Variants in RAPGEF6 observed in about 807,000 individuals in gnomAD.
RAPGEF6 encodes the protein PDZ domain containing guanine nucleotide exchange factor (GEF) 2.
Under a neutral mutation model 171.4 loss-of-function variants are expected in RAPGEF6, and 56 were observed. The ratio of observed to expected loss-of-function variants is 0.33; its 90% CI spans 0.26 to 0.41. The LOEUF is 0.41. Among genes scored for constraint, RAPGEF6 ranks in the 10% least tolerant of loss-of-function variants. The pLI, the probability that RAPGEF6 is intolerant of heterozygous loss-of-function variation, is 1.00. For synonymous variants in RAPGEF6, 692 were observed against 650.1 expected (o/e 1.06, Z -0.98); for missense variants, 1,674 against 1,921.4 (o/e 0.87, Z 2.41).
chr5:131,469,896 C>T, intron 17 of RAPGEF6: 1 of 1,078,260 alleles, frequency 9.3e-7, no homozygotes, highest in Non-Finnish European at 1.3e-6. Flanking sequence ...CCCCCACTTT[C>T]ATTTTGATCT....
chr5:131,442,941 C>T (rs1752476255), intron 22 of RAPGEF6, among the ~76,000 whole-genome samples: 1 of 148,556 alleles, frequency 6.7e-6, no homozygotes, highest in African/African-American at 2.5e-5. Flanking sequence ...GCACCTGCCA[C>T]AAAACCTGGC....
chr5:131,425,886 C>CTTTTTTTTTTTTT lies in RAPGEF6; in HGVS notation c.*1367_*1379dup, dbSNP rs376096619. On this transcript the variant is annotated 3_prime_UTR_variant, in exon 28 of 28. Coordinates refer to ENST00000509018, the MANE Select transcript of RAPGEF6 (RefSeq NM_016340.6). The stretch of plus-strand genomic sequence containing the variant: ...GGGTAGTGCACGTTAATGGCTTTGG[C>CTTTTTTTTTTTTT]TTTTTTTTTTTTTTTTTTTTTGGTA... 2.4e-5 allele frequency: 2 copies of CTTTTTTTTTTTTT among 84,432 alleles called. No homozygotes were observed. Among genetic ancestry groups the CTTTTTTTTTTTTT allele is most frequent in the Non-Finnish European group, 4.5e-5 (2 of 43,972 alleles). 5.2% of individuals were successfully genotyped at this position (84,432 alleles called of 1,614,324 possible).
At chr5:131,615,501 G>T (rs1765209401) in intron 1 of RAPGEF6, among the ~76,000 whole-genome samples, 1 of 152,184 alleles carries the variant, frequency 6.6e-6, no homozygotes, top group Admixed American at 6.5e-5. Context: ...AGTCAGACTG[G>T]AAGTCTTACA....
chr5:131,533,171 C>CACACACAA (rs1348588225), intron 6 of RAPGEF6: 194 of 69,632 alleles, frequency 2.8e-3, no homozygotes, highest in African/African-American at 0.012. Context: ...TGAAAACATA[C>CACACACAA]ACACACACAC....
intron 4 of RAPGEF6, among the ~76,000 whole-genome samples, chr5:131,574,294 C>T (rs1762474255): frequency 6.6e-6 from 1 of 152,180 alleles, no homozygotes; most frequent in Non-Finnish European, 1.5e-5. Context: ...CCCAATGTTC[C>T]TTGGCCAACT....
At chr5:131,448,721 T>C (rs898883707) in intron 21 of RAPGEF6, among the ~76,000 whole-genome samples, 3 of 152,308 alleles carry the variant, frequency 2.0e-5, no homozygotes, top group South Asian at 2.1e-4. Flanking sequence ...AAAATAAATA[T>C]ACCTAATGTT....
At chr5:131,632,243 C>A (rs1264552262) in intron 1 of RAPGEF6, among the ~76,000 whole-genome samples, 3 of 152,166 alleles carry the variant, frequency 2.0e-5, no homozygotes, top group African/African-American at 7.2e-5. Flanking sequence ...GTTCACCCTT[C>A]TCCAGTCACA....
intron 13 of RAPGEF6, among the ~76,000 whole-genome samples, chr5:131,493,611 C>T (rs1020146517): frequency 6.6e-6 from 1 of 152,004 alleles, no homozygotes; most frequent in African/African-American, 2.4e-5. Context: ...GTTCTAATTC[C>T]AGTTTCAATT....
intron 5 of RAPGEF6, 76 bp from the exon 6 acceptor site, chr5:131,548,266 A>T: frequency 7.6e-6 from 11 of 1,442,318 alleles, no homozygotes; most frequent in Non-Finnish European, 1.0e-5. Flanking sequence ...GTCTTAACAG[A>T]CTCATAAGGA....
At chr5:131,530,247 A>C (rs1759284986) in intron 6 of RAPGEF6, among the ~76,000 whole-genome samples, 1 of 152,046 alleles carries the variant, frequency 6.6e-6, no homozygotes, top group African/African-American at 2.4e-5. Context: ...GCAACACTGG[A>C]GGCCAGAAGA....
At position 131,431,211 on chromosome 5, in the gene RAPGEF6, G is replaced by A. The variant is rs1751681942; in HGVS notation, c.4113C>T (p.Ser1371=). 2 of 1,614,200 alleles carry A rather than the reference G, an allele frequency of 1.2e-6. No individual in the cohort carries two copies. The highest frequency in any genetic ancestry group is 1.7e-6 in the Non-Finnish European group (2 of 1,180,038). The part of the protein sequence containing the change: ...GRGSWTSCSS[S]SHDNFQSLPN... ...GAAGGCTTTGGAAGTTGTCATGGGA[G>A]CTGCTTGAACACGAAGTCCAACTTC... is the stretch of plus-strand genomic sequence containing the variant. Residue 1371 remains serine (S), a synonymous_variant, in exon 26 of 28, where the codon AGC becomes AGT. Transcript: ENST00000509018.
intron 3 of RAPGEF6, among the ~76,000 whole-genome samples, chr5:131,598,612 C>T (rs951994656): frequency 1.3e-5 from 2 of 152,092 alleles, no homozygotes; most frequent in African/African-American, 4.8e-5. Flanking sequence ...ACTGAGTCTT[C>T]AACATAAATA....
chr5:131,625,652 A>G (rs568854556), intron 1 of RAPGEF6, among the ~76,000 whole-genome samples: 3 of 152,194 alleles, frequency 2.0e-5, no homozygotes, highest in Non-Finnish European at 4.4e-5. Context: ...CGTCTCTACT[A>G]AAAATACAAA....
intron 5 of RAPGEF6, among the ~76,000 whole-genome samples, chr5:131,550,717 C>T (rs909695720): frequency 1.2e-3 from 179 of 152,332 alleles, no homozygotes; most frequent in East Asian, 5.8e-4. Context: ...CCTCAGACCT[C>T]GATTGGCTTA....
rs560298479 is a variant in RAPGEF6 at position 131,577,195 on chromosome 5, G to A, written c.282-15148C>T. 1.8e-3 allele frequency among the ~76,000 whole-genome samples: 267 copies of A among 152,208 alleles called. 1 individual carries two copies. The highest frequency in any genetic ancestry group is 4.8e-3 in the African/African-American group (198 of 41,522). On this transcript the variant is annotated intron_variant, in intron 4 of 27. Transcript: ENST00000509018. ...CCTCTATACAGTCCGATAACGGACCGGCCTTCATTAGTCAGGTCCCTCAAG... is the reference window on the plus strand; with the variant it reads ...CCTCTATACAGTCCGATAACGGACCAGCCTTCATTAGTCAGGTCCCTCAAG...
At chr5:131,449,966 A>G in intron 21 of RAPGEF6, 2 of 1,478,756 alleles carry the variant, frequency 1.4e-6, no homozygotes, top group African/African-American at 1.4e-5. Context: ...AAAAGGATGC[A>G]ATATATGTTA....
intron 4 of RAPGEF6, among the ~76,000 whole-genome samples, chr5:131,567,614 T>C (rs1762032539): frequency 6.6e-6 from 1 of 152,296 alleles, no homozygotes; most frequent in Admixed American, 6.5e-5. Context: ...CTTCAAATGA[T>C]TTCATTCCTT....
At chr5:131,562,088 A>C in intron 4 of RAPGEF6, 41 bp from the exon 5 acceptor site, 1 of 1,305,960 alleles carries the variant, frequency 7.7e-7, no homozygotes, top group Non-Finnish European at 1.1e-6. Flanking sequence ...AAAGGTTATT[A>C]ATAAAATATA....
intron 12 of RAPGEF6, among the ~76,000 whole-genome samples, chr5:131,496,577 T>G (rs1377987433): frequency 1.3e-5 from 2 of 152,234 alleles, no homozygotes; most frequent in Non-Finnish European, 1.5e-5. Flanking sequence ...ATTTGTCTGT[T>G]CTGGCTATTC....
Sources: gnomAD v4.1 joint callset for allele counts (sites outside exome capture counted in the v4.1 genomes callset) on GRCh38, gnomAD v4.1.1 for gene constraint, MANE v1.5 for transcripts, NCBI Gene and HGNC (gene_info 2026-07-23, HGNC 2026-07-21) for gene names.